Variants in NUDT18 observed in about 807,000 individuals in gnomAD.
NUDT18 encodes the protein nudix hydrolase 18, also known as 8-oxo-dGDP phosphatase NUDT18.
In NUDT18, 26 loss-of-function variants were observed where a neutral mutation model predicts 27.6. The ratio of observed to expected loss-of-function variants is 0.94; its 90% CI spans 0.69 to 1.31. The LOEUF is 1.31. NUDT18 is among the 50% of genes most tolerant of loss of function. The pLI, the probability that NUDT18 is intolerant of heterozygous loss-of-function variation, is 0.00. For missense variants in NUDT18, 450 were observed against 433.4 expected (o/e 1.04, Z -0.34); for synonymous variants, 220 against 196.9 (o/e 1.12, Z -0.98).
At chr8:22,109,828 T>C (rs1340704751), upstream of NUDT18, 1 of 442,532 alleles carries the variant, frequency 2.3e-6, no homozygotes. Context: ...AAACACACAA[T>C]GGCATTGCCG....
rs191221499 is a variant in NUDT18, at chr8:22,108,638, G to A, written c.163-292C>T. 2.6e-5 allele frequency among the ~76,000 whole-genome samples: 4 copies of A among 152,346 alleles called. No homozygotes were observed. The East Asian group carries it at 7.7e-4, about 29-fold the overall frequency. On this transcript the variant is annotated intron_variant, in intron 1 of 2. Transcript: ENST00000611621. ...AGTGAGGGTCACCATGTGTCTGTCT[G>A]TCTTGGATTGATTTGCGTCTGTACC...
chr8:22,108,423 C>A, intron 1 of NUDT18, 77 bp from the exon 2 acceptor site: 1 of 1,293,806 alleles, frequency 7.7e-7, no homozygotes, highest in South Asian at 1.3e-5. Flanking sequence ...CAAACACAGT[C>A]GCCCAAGACT....
At chr8:22,109,909 G>A, upstream of NUDT18, 1 of 348,264 alleles carries the variant, frequency 2.9e-6, no homozygotes, top group Non-Finnish European at 5.9e-6. Context: ...TGGCCCGTGG[G>A]GTGGGGGACA....
At chr8:22,109,083 C>G (rs998230217) in intron 1 of NUDT18, 56 bp downstream of exon 1, 21 of 1,320,000 alleles carry the variant, frequency 1.6e-5, no homozygotes, top group African/African-American at 3.1e-5. Flanking sequence ...CTTCTGTCCC[C>G]ACCTGGGCTG....
At position 22,108,248 on chromosome 8, in the gene NUDT18, C is replaced by T; in HGVS notation, c.261G>A (p.Ala87=). The T allele has an allele frequency of 6.3e-7, 1 of 1,597,282 alleles. No individual in the cohort carries two copies. The highest frequency in any genetic ancestry group is 1.1e-5 in the South Asian group (1 of 88,140). Residue 87 remains alanine, a synonymous_variant, in exon 2 of 3, where the codon GCG becomes GCA. Coordinates refer to ENST00000611621, the MANE Select transcript of NUDT18 (RefSeq NM_024815.4). ...RMEPGETIVE[A]LQREVKEEAG... ...CCTCCTCCTTCACCTCCCGCTGCAG[C>T]GCCTCCACGATGGTCTCCCCTGGCT...
chr8:22,107,628 G>A lies in NUDT18; in HGVS notation c.644C>T (p.Pro215Leu). The A allele has an allele frequency of 1.2e-6, 2 of 1,613,254 alleles. No homozygotes were observed. Among genetic ancestry groups the A allele is most frequent in the South Asian group, 2.2e-5 (2 of 91,068 alleles). Residue 215 changes from proline (P) to leucine (L), a missense_variant, in exon 3 of 3, where the codon CCT becomes CTT. Coordinates refer to ENST00000611621, the MANE Select transcript of NUDT18 (RefSeq NM_024815.4). Reference protein sequence around the residue: ...LVGTVGMPHLPVTACGLDPME... With the variant: ...LVGTVGMPHLLVTACGLDPME... ...AGGGTCGAGGCCACAGGCAGTGACA[G>A]GCAAGTGAGGCATCCCCACTGTGCC... is the stretch of plus-strand genomic sequence containing the variant.
In NUDT18 at chr8:22,109,397, G is replaced by GAGACCGCTCCCAGTCCCTGCGC; in HGVS notation, c.-98_-97insGCGCAGGGACTGGGAGCGGTCT. The stretch of plus-strand genomic sequence containing the variant: ...GCGGAGCCCGCTCCCAGTCCCTGCG[G>GAGACCGCTCCCAGTCCCTGCGC]CAGCGGGCCGGGAGCTCACGAGAAC... On this transcript the variant is annotated 5_prime_UTR_variant, in exon 1 of 3. Coordinates refer to ENST00000611621, the MANE Select transcript of NUDT18 (RefSeq NM_024815.4). 8.5e-7 allele frequency: 1 copy of GAGACCGCTCCCAGTCCCTGCGC among 1,170,392 alleles called. No individual in the cohort carries two copies. Among genetic ancestry groups the GAGACCGCTCCCAGTCCCTGCGC allele is most frequent in the Non-Finnish European group, 1.1e-6 (1 of 902,238 alleles). The allele number at this position is 1,170,392 out of a possible 1,614,324, so 72.5% of individuals were successfully genotyped here.
upstream of NUDT18, among the ~76,000 whole-genome samples, chr8:22,110,482 G>C (rs1826453833): frequency 6.6e-6 from 1 of 152,262 alleles, no homozygotes; most frequent in Non-Finnish European, 1.5e-5. Context: ...CTGTGGCTTG[G>C]TGGTGTGGAC....
Position 22,107,656 on chromosome 8 carries a change from C to G in NUDT18, c.616G>C (p.Val206Leu). ...AAGTGAGGCATCCCCACTGTGCCCA[C>G]TAACACCCACACTGTCTGGGCGCTG... is the stretch of plus-strand genomic sequence containing the variant. ...FTSAQTVWVL[V>L]GTVGMPHLPV... Residue 206 changes from valine to leucine, a missense_variant, in exon 3 of 3, where the codon GTG (valine) becomes CTG (leucine). Coordinates refer to ENST00000611621, the MANE Select transcript of NUDT18 (RefSeq NM_024815.4). 6.2e-7 allele frequency: 1 copy of G among 1,612,906 alleles called. No individual in the cohort carries two copies. The highest frequency in any genetic ancestry group is 8.5e-7 in the Non-Finnish European group (1 of 1,179,506).
At position 22,107,575 on chromosome 8, in the gene NUDT18, C is replaced by T. The variant is rs1407723379; in HGVS notation, c.697G>A (p.Ala233Thr). The T allele has an allele frequency of 5.6e-6, 9 of 1,613,186 alleles. No individual in the cohort carries two copies. The highest frequency in any genetic ancestry group is 7.6e-6 in the Non-Finnish European group (9 of 1,179,886). ...CACTCCTGCAGCAGCCGCAGGACGGCCATCTTCATGCCACCCCTCTGCTCC... is the reference window on the plus strand; with the variant it reads ...CACTCCTGCAGCAGCCGCAGGACGGTCATCTTCATGCCACCCCTCTGCTCC... ...PMEQRGGMKM[A>T]VLRLLQECLT... Residue 233 changes from alanine to threonine, a missense_variant, in exon 3 of 3, where the codon GCC becomes ACC. Ala to Thr is a moderately conservative substitution (Grantham distance 58). Coordinates refer to ENST00000611621, the MANE Select transcript of NUDT18 (RefSeq NM_024815.4).
At position 22,109,384 on chromosome 8, in the gene NUDT18, C is replaced by CCCAGTCCCTGCGGAGCCCGCT; in HGVS notation, c.-85_-84insAGCGGGCTCCGCAGGGACTGG. 1.5e-6 allele frequency: 2 copies of CCCAGTCCCTGCGGAGCCCGCT among 1,294,226 alleles called. No homozygotes were observed. Among genetic ancestry groups the CCCAGTCCCTGCGGAGCCCGCT allele is most frequent in the Non-Finnish European group, 2.0e-6 (2 of 1,012,908 alleles). 80.2% of individuals were successfully genotyped at this position (1,294,226 alleles called of 1,614,324 possible). A position where few individuals can be genotyped will look rare whatever the true frequency, so the allele number is the denominator to read the frequency against. ...GCTAGAGTGCGCTGCGGAGCCCGCT[C>CCCAGTCCCTGCGGAGCCCGCT]CCAGTCCCTGCGGCAGCGGGCCGGG... is the stretch of plus-strand genomic sequence containing the variant. On this transcript the variant is annotated 5_prime_UTR_variant, in exon 1 of 3. Coordinates refer to ENST00000611621, the MANE Select transcript of NUDT18 (RefSeq NM_024815.4).
Position 22,109,390 on chromosome 8 carries a change from C to A in NUDT18, c.-90G>T. The A allele has an allele frequency of 1.6e-6, 2 of 1,233,110 alleles. No homozygotes were observed. Among genetic ancestry groups the A allele is most frequent in the Admixed American group, 4.1e-5 (1 of 24,176 alleles). 76.4% of individuals were successfully genotyped at this position (1,233,110 alleles called of 1,614,324 possible). Reference sequence around the variant, plus strand: ...GTGCGCTGCGGAGCCCGCTCCCAGTCCCTGCGGCAGCGGGCCGGGAGCTCA... The same window carrying A: ...GTGCGCTGCGGAGCCCGCTCCCAGTACCTGCGGCAGCGGGCCGGGAGCTCA... On this transcript the variant is annotated 5_prime_UTR_variant, in exon 1 of 3. Transcript: ENST00000611621.
At chr8:22,108,494 TG>T (rs1826408099) in intron 1 of NUDT18, 148 bp from the exon 2 acceptor site, 3 of 644,780 alleles carry the variant, frequency 4.7e-6, no homozygotes, top group Non-Finnish European at 7.9e-6. Context: ...CTCGTGTCGC[TG>T]GGGGCTGCAG....
In NUDT18 at chr8:22,107,298, CTCTA is replaced by C. The variant is rs1307300308; in HGVS notation, c.970_*1del. 2.5e-6 allele frequency: 4 copies of C among 1,587,536 alleles called. No individual in the cohort carries two copies. Among genetic ancestry groups the C allele is most frequent in the East Asian group, 2.3e-5 (1 of 44,382 alleles). On this transcript the variant is annotated stop_lost and 3_prime_UTR_variant, in exon 3 of 3. Transcript: ENST00000611621. ...TAGCTCCCTGTCACCTCCCCCACCT[CTCTA>C]TCTGTTCACTGGGACAACAGAGGAT...
At chr8:22,109,806 C>G (rs1196157914), upstream of NUDT18, 5 of 452,230 alleles carry the variant, frequency 1.1e-5, no homozygotes, top group African/African-American at 2.0e-5. Flanking sequence ...ACCACTGTCC[C>G]GCTGTTGCCG....
At chr8:22,108,799 T>C (rs1005487611) in intron 1 of NUDT18, among the ~76,000 whole-genome samples, 3 of 152,180 alleles carry the variant, frequency 2.0e-5, no homozygotes, top group African/African-American at 7.2e-5. Flanking sequence ...CCCGTCTAGT[T>C]GTCATTACAT....
chr8:22,109,643 G>A (rs1359248232), upstream of NUDT18: 2 of 474,192 alleles, frequency 4.2e-6, no homozygotes, highest in African/African-American at 2.0e-5. Context: ...TCTCCCAGCC[G>A]CCACCCGCTC....
Position 22,107,228 on chromosome 8 carries a change from T to C in NUDT18, c.*72A>G. The C allele has an allele frequency of 8.2e-7, 1 of 1,213,152 alleles. No homozygotes were observed. The highest frequency in any genetic ancestry group is 1.1e-6 in the Non-Finnish European group (1 of 878,890). The allele number at this position is 1,213,152 out of a possible 1,614,324, so 75.1% of individuals were successfully genotyped here. A position where few individuals can be genotyped will look rare whatever the true frequency, so the allele number is the denominator to read the frequency against. ...GATCCCTGATCGCCAGCCTCTTGCC[T>C]CCCTCAGAGGGAGACAAGTCCGCAC... On this transcript the variant is annotated 3_prime_UTR_variant, in exon 3 of 3. Transcript: ENST00000611621.
chr8:22,110,344 C>G (rs10101855), upstream of NUDT18, among the ~76,000 whole-genome samples: 4 of 152,252 alleles, frequency 2.6e-5, no homozygotes, highest in East Asian at 1.9e-4. Context: ...TCCTTCACCC[C>G]ACCTCAGCAC....
Sources: allele counts gnomAD v4.1 joint callset (sites outside exome capture counted in the v4.1 genomes callset), GRCh38; gene constraint gnomAD v4.1.1; transcripts MANE v1.5; gene names NCBI Gene and HGNC (gene_info 2026-07-23, HGNC 2026-07-21).